GULP1: variants seen among roughly 807,000 people sequenced by gnomAD.
The protein encoded by GULP1 is GULP PTB domain containing engulfment adaptor 1.
Under a neutral mutation model 40.9 loss-of-function variants are expected in GULP1, and 19 were observed. The ratio of observed to expected loss-of-function variants is 0.46; its 90% confidence interval spans 0.32 to 0.68. GULP1 has a LOEUF of 0.68. Ranked by LOEUF, GULP1 falls within the 30% of genes least tolerant of loss-of-function variation. The pLI is 0.03. For synonymous variants in GULP1, 119 were observed against 117.6 expected, an observed-to-expected ratio of 1.01 and a Z score of -0.08; for missense variants, 312 against 362.2, an observed-to-expected ratio of 0.86 and a Z score of 1.12.
chr2:188,587,913 C>T lies in GULP1; in HGVS notation c.807C>T (p.Phe269=), dbSNP rs748650951. 4 of 1,608,136 alleles carry T rather than the reference C, an allele frequency of 2.5e-6. No individual in the cohort carries two copies. Among genetic ancestry groups the T allele is most frequent in the South Asian group, 1.1e-5 (1 of 90,934 alleles). ...CATTTAACTGTGGAGCAGCAGATTT[C>T]CCTCCAGATATTCAATCAAAATTAG... ...FDPFNCGAAD[F]PPDIQSKLDE... is the part of the protein sequence containing the mutation. The change falls in exon 11 of 12, where the codon TTC becomes TTT. Residue 269 remains phenylalanine, a synonymous_variant. Transcript: ENST00000409830.
Position 188,335,940 on chromosome 2 carries a change from C to T in GULP1, c.-172+43774C>T, listed in dbSNP as rs370707735. 2.2e-4 allele frequency among the ~76,000 whole-genome samples: 33 copies of T among 152,106 alleles called. No individual in the cohort carries two copies. The East Asian group carries it at 5.0e-3, about 23-fold the overall frequency. On this transcript the variant is annotated intron_variant, in intron 1 of 11. Transcript: ENST00000409830. ...TTAGATTATGTTACAGATATGTCTCCCTTAGCATATTATTAAGAGAATATA... is the reference window on the plus strand; with the variant it reads ...TTAGATTATGTTACAGATATGTCTCTCTTAGCATATTATTAAGAGAATATA...
At chr2:188,553,848 G>A (rs936942854) in intron 7 of GULP1, among the ~76,000 whole-genome samples, 1 of 151,946 alleles carries the variant, frequency 6.6e-6, no homozygotes, top group Non-Finnish European at 1.5e-5. Context: ...GGCCTGCCAG[G>A]TTTTCTATTT....
chr2:188,477,700 A>T lies in GULP1; in HGVS notation c.-3A>T, dbSNP rs755514186. 1.3e-6 allele frequency: 2 copies of T among 1,598,768 alleles called. No homozygotes were observed. The highest frequency in any genetic ancestry group is 8.5e-7 in the Non-Finnish European group (1 of 1,173,292). ...CTGAACATTTATTTGGCTGATCCTC[A>T]TCATGAACCGTGCTTTTAGCAGGAA... On this transcript the variant is annotated 5_prime_UTR_variant, in exon 3 of 12. Transcript: ENST00000409830.
At chr2:188,493,032 C>T (rs1174155660) in intron 4 of GULP1, among the ~76,000 whole-genome samples, 4 of 152,042 alleles carry the variant, frequency 2.6e-5, no homozygotes, top group African/African-American at 9.7e-5. Flanking sequence ...ATTATGATTT[C>T]CATAGCAGTT....
At chr2:188,394,451 A>T (rs2050952141) in intron 2 of GULP1, among the ~76,000 whole-genome samples, 1 of 152,108 alleles carries the variant, frequency 6.6e-6, no homozygotes, top group Admixed American at 6.5e-5. Context: ...AAAAAAATTA[A>T]GTTAGTTTTC....
intron 9 of GULP1, among the ~76,000 whole-genome samples, chr2:188,573,038 T>A (rs184067415): frequency 3.9e-5 from 6 of 152,296 alleles, no homozygotes; most frequent in Non-Finnish European, 7.4e-5. Context: ...AAATAGAATT[T>A]ATTTGATTTT....
intron 1 of GULP1, among the ~76,000 whole-genome samples, chr2:188,345,030 A>ATTTTTTTTTTTTTTTTTTTTTTTTTTTTT (rs1308614379): frequency 5.9e-5 from 9 of 152,002 alleles, no homozygotes; most frequent in Non-Finnish European, 1.0e-4. Flanking sequence ...ACTCTGGGCA[A>ATTTTTTTTTTTTTTTTTTTTTTTTTTTTT]TTCTTATAAA....
At position 188,556,163 on chromosome 2, in the gene GULP1, C is replaced by T. The variant is rs114153268; in HGVS notation, c.400-13076C>T. Among the ~76,000 whole-genome samples, 548 of 152,196 alleles carry T rather than the reference C, an allele frequency of 3.6e-3. 5 individuals are homozygous for T. The highest frequency in any genetic ancestry group is 0.013 in the African/African-American group (526 of 41,546). On this transcript the variant is annotated intron_variant, in intron 7 of 11. Transcript: ENST00000409830. ...TATGCTTTCTTCACCCTTGGGAACA[C>T]TGATAATTTGAATTTTCAGTAATTT...
intron 4 of GULP1, among the ~76,000 whole-genome samples, chr2:188,491,956 C>A (rs957414669): frequency 6.6e-5 from 10 of 151,748 alleles, no homozygotes; most frequent in Admixed American, 5.3e-4. Context: ...TGTGTATCAT[C>A]TATTTTTTTT....
intron 2 of GULP1, among the ~76,000 whole-genome samples, chr2:188,408,714 C>T (rs2152698580): frequency 6.6e-6 from 1 of 152,286 alleles, no homozygotes; most frequent in Middle Eastern, 3.4e-3. Flanking sequence ...CATCAGCATA[C>T]ACATTTTTCT....
chr2:188,542,099 C>G (rs930834812), intron 7 of GULP1: 1 of 151,404 alleles, frequency 6.6e-6, no homozygotes, highest in African/African-American at 2.4e-5. Flanking sequence ...GAGTGAGACT[C>G]CATCTCAAGA....
At chr2:188,564,301 G>T (rs180923635) in intron 7 of GULP1, among the ~76,000 whole-genome samples, 108 of 151,578 alleles carry the variant, frequency 7.1e-4, no homozygotes, top group African/African-American at 2.5e-3. Flanking sequence ...GAAAGAAATA[G>T]GAAAAAATTG....
intron 2 of GULP1, among the ~76,000 whole-genome samples, chr2:188,414,011 G>A (rs2054244326): frequency 6.6e-6 from 1 of 152,060 alleles, no homozygotes; most frequent in African/African-American, 2.4e-5. Flanking sequence ...AAGGTCAGGA[G>A]TTTGAGACCA....
At chr2:188,476,976 C>T (rs1196140821) in intron 2 of GULP1, among the ~76,000 whole-genome samples, 1 of 152,020 alleles carries the variant, frequency 6.6e-6, no homozygotes, top group African/African-American at 2.4e-5. Flanking sequence ...AAGTCCTTTA[C>T]CTAAGCTGCT....
At chr2:188,512,741 G>A (rs914247629) in intron 4 of GULP1, among the ~76,000 whole-genome samples, 2 of 152,054 alleles carry the variant, frequency 1.3e-5, no homozygotes, top group Admixed American at 6.5e-5. Flanking sequence ...ATTTGATAAC[G>A]AGGGTAGAAT....
intron 2 of GULP1, among the ~76,000 whole-genome samples, chr2:188,408,359 C>G (rs1167855007): frequency 6.6e-6 from 1 of 151,976 alleles, no homozygotes; most frequent in Non-Finnish European, 1.5e-5. Context: ...TGGACTAGGA[C>G]AGGTAACTAT....
intron 1 of GULP1, among the ~76,000 whole-genome samples, chr2:188,361,842 T>C (rs950634097): frequency 2.6e-5 from 4 of 152,122 alleles, no homozygotes; most frequent in African/African-American, 9.7e-5. Flanking sequence ...AATAAATGTA[T>C]GTCATTTATA....
At chr2:188,377,591 C>G (rs759867802) in intron 1 of GULP1, among the ~76,000 whole-genome samples, 8 of 152,166 alleles carry the variant, frequency 5.3e-5, no homozygotes, top group Non-Finnish European at 1.0e-4. Flanking sequence ...ATGTGCTTAT[C>G]ACTTCATTGG....
At chr2:188,447,311 G>A (rs2058474063) in intron 2 of GULP1, among the ~76,000 whole-genome samples, 2 of 152,122 alleles carry the variant, frequency 1.3e-5, no homozygotes, top group Non-Finnish European at 2.9e-5. Flanking sequence ...AAAGGGAGGA[G>A]GGTATAATGA....
Sources: gnomAD v4.1 joint callset for allele counts (sites outside exome capture counted in the v4.1 genomes callset) on GRCh38, gnomAD v4.1.1 for gene constraint, MANE v1.5 for transcripts, NCBI Gene and HGNC (gene_info 2026-07-23, HGNC 2026-07-21) for gene names.